PRKG1: variants seen among roughly 807,000 people sequenced by gnomAD.
PRKG1 encodes protein kinase cGMP-dependent 1.
A neutral mutation model predicts 88.1 loss-of-function variants in PRKG1; 35 were observed. The observed-to-expected ratio is 0.40, with a 90% CI of 0.30 to 0.53. PRKG1 has a LOEUF of 0.53. Among genes scored for constraint, PRKG1 ranks in the 20% least tolerant of loss-of-function variants. The pLI, the probability that PRKG1 is intolerant of heterozygous loss-of-function variation, is 0.59. For missense variants in PRKG1, 540 were observed against 839.8 expected, an observed-to-expected ratio of 0.64 and a Z score of 4.41; for synonymous variants, 303 against 292.5, an observed-to-expected ratio of 1.04 and a Z score of -0.37.
chr10:51,261,514 G>A (rs1024043517), intron 2 of PRKG1, among the ~76,000 whole-genome samples: 2 of 152,046 alleles, frequency 1.3e-5, no homozygotes, highest in Non-Finnish European at 2.9e-5. Flanking sequence ...AAGCTAACAT[G>A]TACATATCCA....
intron 7 of PRKG1, among the ~76,000 whole-genome samples, chr10:52,089,881 C>T (rs1280530841): frequency 1.6e-5 from 2 of 125,566 alleles, no homozygotes; most frequent in Admixed American, 1.1e-4. Context: ...GTGGCACAAT[C>T]TCGGCTCACT....
chr10:51,045,607 A>G (rs1004444654), intron 1 of PRKG1, among the ~76,000 whole-genome samples: 2 of 152,138 alleles, frequency 1.3e-5, no homozygotes, highest in Non-Finnish European at 2.9e-5. Context: ...AAATCTTACC[A>G]TTGCAAAGGA....
intron 3 of PRKG1, among the ~76,000 whole-genome samples, chr10:51,545,442 T>C (rs1842422929): frequency 6.6e-6 from 1 of 152,120 alleles, no homozygotes; most frequent in African/African-American, 2.4e-5. Context: ...AATAACCAGC[T>C]CTTTTCCTAT....
Position 51,065,443 on chromosome 10 carries a change from C to T in PRKG1, c.266+73799C>T, listed in dbSNP as rs549385491. ...GAGTGACAGGAAGAAAACATAGTTACCATGGGCCTTAAACAGGCAAATATG... is the reference window on the plus strand; with the variant it reads ...GAGTGACAGGAAGAAAACATAGTTATCATGGGCCTTAAACAGGCAAATATG... On this transcript the variant is annotated intron_variant, in intron 1 of 17. Coordinates refer to the PRKG1 transcript ENST00000401604. Among the ~76,000 whole-genome samples, 11 of 152,124 alleles carry T rather than the reference C, an allele frequency of 7.2e-5. No homozygotes were observed. The East Asian group carries it at 2.1e-3, about 29-fold the overall frequency.
intron 9 of PRKG1, among the ~76,000 whole-genome samples, chr10:52,246,975 TATTTG>T (rs4041236): frequency 0.51 from 76,915 of 150,454 alleles, 21,545 homozygotes; most frequent in East Asian, 0.79. Context: ...TAATCAGACA[TATTTG>T]ATTTGAGAAA....
chr10:51,722,693 G>A (rs1342275328), intron 3 of PRKG1, among the ~76,000 whole-genome samples: 2 of 152,038 alleles, frequency 1.3e-5, no homozygotes, highest in Admixed American at 1.3e-4. Context: ...GAAAACCATA[G>A]TTTGTTTTCA....
chr10:51,533,145 A>G (rs1383547170), intron 3 of PRKG1, among the ~76,000 whole-genome samples: 7 of 152,172 alleles, frequency 4.6e-5, no homozygotes, highest in Admixed American at 1.3e-4. Context: ...GTGGATTTCT[A>G]TTTCTTGCAA....
intron 2 of PRKG1, among the ~76,000 whole-genome samples, chr10:51,408,165 A>G (rs1052555212): frequency 1.3e-5 from 2 of 152,252 alleles, no homozygotes; most frequent in African/African-American, 4.8e-5. Context: ...AGTACCATAT[A>G]TTGGATGCTG....
chr10:52,101,997 A>G (rs1216814326), intron 7 of PRKG1, among the ~76,000 whole-genome samples: 1 of 152,178 alleles, frequency 6.6e-6, no homozygotes, highest in Non-Finnish European at 1.5e-5. Context: ...TTCTCTATAA[A>G]GATGCTAAAC....
intron 2 of PRKG1, chr10:51,302,491 A>C (rs1840916364): frequency 6.6e-6 from 1 of 152,100 alleles, no homozygotes; most frequent in Non-Finnish European, 1.5e-5. Flanking sequence ...AAAAAATATG[A>C]ATATCTTCAA....
intron 3 of PRKG1, among the ~76,000 whole-genome samples, chr10:51,623,179 T>C (rs1200432628): frequency 6.6e-6 from 1 of 152,220 alleles, no homozygotes; most frequent in Non-Finnish European, 1.5e-5. Flanking sequence ...TTAAAGATAG[T>C]ATAGCTGAAG....
chr10:51,944,433 G>GTT (rs558475116), intron 5 of PRKG1, among the ~76,000 whole-genome samples: 1 of 151,918 alleles, frequency 6.6e-6, no homozygotes, highest in African/African-American at 2.4e-5. Context: ...TTTTTGAAGG[G>GTT]TTTTTTGTAT....
At chr10:51,413,944 G>A (rs1358818660) in intron 2 of PRKG1, among the ~76,000 whole-genome samples, 1 of 152,148 alleles carries the variant, frequency 6.6e-6, no homozygotes, top group Non-Finnish European at 1.5e-5. Flanking sequence ...AAACAGTGTG[G>A]TAGGGACCTG....
At chr10:51,509,551 T>G (rs1420115429) in intron 3 of PRKG1, among the ~76,000 whole-genome samples, 1 of 152,180 alleles carries the variant, frequency 6.6e-6, no homozygotes, top group Admixed American at 6.5e-5. Context: ...ATTTTTTCAT[T>G]CATGTGTAGA....
chr10:52,166,213 T>G (rs940141738), intron 9 of PRKG1, among the ~76,000 whole-genome samples: 2 of 132,460 alleles, frequency 1.5e-5, no homozygotes, highest in South Asian at 2.6e-4. Context: ...ATTGATAATA[T>G]GTATTCATTC....
chr10:51,793,122 G>A (rs1589291484), intron 3 of PRKG1, among the ~76,000 whole-genome samples: 1 of 68,322 alleles, frequency 1.5e-5, no homozygotes. Context: ...CTATTTTAAA[G>A]AAGGTCAGCA....
intron 4 of PRKG1, among the ~76,000 whole-genome samples, chr10:51,825,670 C>T (rs945618707): frequency 1.3e-5 from 2 of 152,104 alleles, no homozygotes; most frequent in Non-Finnish European, 2.9e-5. Context: ...CCTGGAAATA[C>T]AATAAGGAGT....
intron 3 of PRKG1, among the ~76,000 whole-genome samples, chr10:51,777,278 A>C (rs1003773519): frequency 6.6e-6 from 1 of 152,108 alleles, no homozygotes; most frequent in African/African-American, 2.4e-5. Context: ...ACAAAGAAGA[A>C]GCATTTGACA....
chr10:51,036,429 A>G (rs922685971), intron 1 of PRKG1, among the ~76,000 whole-genome samples: 4 of 152,136 alleles, frequency 2.6e-5, no homozygotes, highest in Admixed American at 1.3e-4. Flanking sequence ...GGATATGAGC[A>G]TGGAGAAGGG....
Sources: gnomAD v4.1 joint callset for allele counts (sites outside exome capture counted in the v4.1 genomes callset) on GRCh38, gnomAD v4.1.1 for gene constraint, MANE v1.5 for transcripts, NCBI Gene and HGNC (gene_info 2026-07-23, HGNC 2026-07-21) for gene names.